The following CALN1 variants were observed in gnomAD, a reference collection of about 807,000 sequenced individuals.
CALN1 encodes the protein calcium-binding protein 8.
In CALN1, 17 loss-of-function variants were observed where a neutral mutation model predicts 30.6. The ratio of observed to expected loss-of-function variants is 0.56; its 90% CI spans 0.38 to 0.83. CALN1 has a LOEUF of 0.83. Among genes scored for constraint, CALN1 ranks in the 40% least tolerant of loss-of-function variants. The probability of loss-of-function intolerance (pLI) is 0.00; values close to 1 mark genes in which losing one functional copy is unlikely to be tolerated. For synonymous variants in CALN1, 156 were observed against 131.4 expected (o/e 1.19, Z -1.28); for missense variants, 291 against 354.9 (o/e 0.82, Z 1.45).
chr7:72,068,722 C>A (rs1321628747), intron 4 of CALN1, among the ~76,000 whole-genome samples: 1 of 152,138 alleles, frequency 6.6e-6, no homozygotes, highest in Non-Finnish European at 1.5e-5. Context: ...AACTCCTGGC[C>A]TCAAGTGATC....
intron 5 of CALN1, among the ~76,000 whole-genome samples, chr7:71,937,822 C>T (rs1795923670): frequency 6.6e-6 from 1 of 152,190 alleles, no homozygotes; most frequent in Non-Finnish European, 1.5e-5. Flanking sequence ...TTCTTCCTAC[C>T]TGGTCTGTTT....
intron 5 of CALN1, among the ~76,000 whole-genome samples, chr7:71,922,585 A>ATG (rs1382398263): frequency 7.3e-6 from 1 of 136,620 alleles, no homozygotes; most frequent in Non-Finnish European, 1.6e-5. Context: ...AACACACAGA[A>ATG]TGTATTATAT....
intron 5 of CALN1, among the ~76,000 whole-genome samples, chr7:71,845,323 C>T (rs1377889089): frequency 6.6e-6 from 1 of 152,212 alleles, no homozygotes; most frequent in Non-Finnish European, 1.5e-5. Context: ...ATTTGGCAAA[C>T]ACTCTGCCAG....
chr7:71,982,402 C>A (rs1798447220), intron 5 of CALN1, among the ~76,000 whole-genome samples: 1 of 152,176 alleles, frequency 6.6e-6, no homozygotes, highest in Admixed American at 6.5e-5. Flanking sequence ...CAAGACCACC[C>A]TGGCCAACAT....
chr7:72,404,779 G>A (rs979663035), intron 1 of CALN1, among the ~76,000 whole-genome samples: 2 of 152,204 alleles, frequency 1.3e-5, no homozygotes, highest in African/African-American at 2.4e-5. Context: ...AAAGCAGGAA[G>A]AAGGCTTGAA....
chr7:72,499,779 TTCC>T, the CALN1 span, among the ~76,000 whole-genome samples: 5 of 38,654 alleles, frequency 1.3e-4, no homozygotes, highest in African/African-American at 4.8e-4. Context: ...CTTTCTTTCC[TTCC>T]TTCCTTCCTT....
At chr7:72,337,240 C>A (rs956864163) in intron 2 of CALN1, 4 of 985,264 alleles carry the variant, frequency 4.1e-6, no homozygotes, top group Non-Finnish European at 4.8e-6. Context: ...CCACACTCCT[C>A]GCTCTGCCGG....
rs1562774434 is a variant in CALN1 at position 71,786,579 on chromosome 7, A to C, written c.*1196T>G. 1.3e-5 allele frequency: 2 copies of C among 152,198 alleles called. No homozygotes were observed. Among genetic ancestry groups the C allele is most frequent in the African/African-American group, 4.8e-5 (2 of 41,456 alleles). 9.4% of individuals were successfully genotyped at this position (152,198 alleles called of 1,614,324 possible). ...CATCTTTTCCCCCAACCTCCTGAAA[A>C]TGAGTCAGTTGCAGAATCTGAAGGC... On this transcript the variant is annotated 3_prime_UTR_variant, in exon 7 of 7. Coordinates refer to ENST00000395275, the MANE Select transcript of CALN1 (RefSeq NM_031468.4).
upstream of CALN1, among the ~76,000 whole-genome samples, chr7:72,415,987 T>C (rs530259779): frequency 2.0e-5 from 3 of 152,294 alleles, no homozygotes; most frequent in East Asian, 5.8e-4. Context: ...TCTTTTAAGG[T>C]TGTGGGTCTG....
chr7:71,977,391 C>T lies in CALN1; in HGVS notation c.501+46266G>A, dbSNP rs538630299. ...TCAAGGCTGCAGTGAGCTTTGATGGCACCACTGCACTCCAGTCTGGGCAAC... is the reference window on the plus strand; with the variant it reads ...TCAAGGCTGCAGTGAGCTTTGATGGTACCACTGCACTCCAGTCTGGGCAAC... On this transcript the variant is annotated intron_variant, in intron 5 of 6. Transcript: ENST00000395275. 9.2e-5 allele frequency among the ~76,000 whole-genome samples: 14 copies of T among 152,246 alleles called. No individual in the cohort carries two copies. In the South Asian group the frequency reaches 2.3e-3, roughly 25 times the overall value.
At chr7:71,842,601 CG>C (rs1201365640) in intron 5 of CALN1, among the ~76,000 whole-genome samples, 3 of 152,160 alleles carry the variant, frequency 2.0e-5, no homozygotes, top group African/African-American at 4.8e-5. Context: ...AGAAATACAC[CG>C]GTACATTAGC....
chr7:72,242,040 T>C (rs1482477186), intron 3 of CALN1, among the ~76,000 whole-genome samples: 3 of 152,270 alleles, frequency 2.0e-5, no homozygotes. Context: ...ACAACCCTAT[T>C]CCTCCTCTTC....
chr7:72,160,528 C>G (rs764734442), intron 3 of CALN1, among the ~76,000 whole-genome samples: 9 of 152,138 alleles, frequency 5.9e-5, no homozygotes, highest in Non-Finnish European at 1.0e-4. Flanking sequence ...ATCTGCCCAC[C>G]TCGACCCCTC....
chr7:71,956,783 G>A (rs536859240), intron 5 of CALN1, among the ~76,000 whole-genome samples: 6 of 152,190 alleles, frequency 3.9e-5, no homozygotes, highest in African/African-American at 1.2e-4. Context: ...TGCAATCTCT[G>A]CCTCCCAGGT....
chr7:71,897,319 C>T (rs1197825127), intron 5 of CALN1, among the ~76,000 whole-genome samples: 8 of 152,098 alleles, frequency 5.3e-5, no homozygotes, highest in Non-Finnish European at 5.9e-5. Context: ...TCATTTTAAC[C>T]TGCTCAGCTA....
intron 2 of CALN1, chr7:72,337,234 A>T (rs1479146982): frequency 3.1e-6 from 3 of 983,592 alleles, no homozygotes; most frequent in Non-Finnish European, 3.6e-6. Context: ...ACAGCACCAC[A>T]CTCCTCGCTC....
At chr7:72,284,819 A>C (rs1325858116) in intron 2 of CALN1, among the ~76,000 whole-genome samples, 1 of 152,008 alleles carries the variant, frequency 6.6e-6, no homozygotes, top group Non-Finnish European at 1.5e-5. Context: ...CAGATAGATT[A>C]AGGATAGATA....
At chr7:72,249,049 T>C (rs1724738590) in intron 3 of CALN1, among the ~76,000 whole-genome samples, 1 of 152,156 alleles carries the variant, frequency 6.6e-6, no homozygotes, top group Admixed American at 6.5e-5. Context: ...ATCACGAATT[T>C]CTTCATTAAA....
intron 3 of CALN1, among the ~76,000 whole-genome samples, chr7:72,262,423 G>A (rs1263838058): frequency 6.6e-6 from 1 of 152,036 alleles, no homozygotes; most frequent in African/African-American, 2.4e-5. Context: ...ATGATGCTGA[G>A]GTTTGGGCTT....
Sources: gnomAD v4.1 joint callset for allele counts (sites outside exome capture counted in the v4.1 genomes callset) on GRCh38, gnomAD v4.1.1 for gene constraint, MANE v1.5 for transcripts, NCBI Gene and HGNC (gene_info 2026-07-23, HGNC 2026-07-21) for gene names.